Variants in GART observed in about 807,000 individuals in gnomAD.
The protein encoded by GART is trifunctional purine biosynthetic protein adenosine-3.
A neutral mutation model predicts 107.2 loss-of-function variants in GART; 43 were observed. The ratio of observed to expected loss-of-function variants is 0.40; its 90% CI spans 0.31 to 0.52. The LOEUF (loss-of-function observed/expected upper bound fraction) is 0.52. Ranked by LOEUF, GART falls within the 20% of genes least tolerant of loss-of-function variation. GART has a pLI of 0.52. For synonymous variants in GART, 434 were observed against 427.0 expected (o/e 1.02, Z -0.20); for missense variants, 1,107 against 1,206.5 (o/e 0.92, Z 1.22).
Position 33,504,237 on chromosome 21 carries a change from C to T in GART, c.2920G>A (p.Glu974Lys), listed in dbSNP as rs369961402. The T allele has an allele frequency of 2.0e-4, 328 of 1,614,198 alleles. 1 individual carries two copies. The highest frequency in any genetic ancestry group is 1.5e-3 in the South Asian group (136 of 91,086). Residue 974 changes from glutamate to lysine, a missense_variant, in exon 22 of 22, where the codon GAA (glutamate) becomes AAA (lysine). Transcript: ENST00000381815. ...KRGDTVATLS[E>K]RVKLAEHKIF... Reference sequence around the variant, plus strand: ...TTATGTTCTGCTAATTTTACTCTTTCAGAAAGAGTTGCGACAGTATCACCC... The same window carrying T: ...TTATGTTCTGCTAATTTTACTCTTTTAGAAAGAGTTGCGACAGTATCACCC...
chr21:33,533,472 AAAATAAAT>A (rs913601607), intron 4 of GART, among the ~76,000 whole-genome samples: 86 of 150,584 alleles, frequency 5.7e-4, no homozygotes, highest in Middle Eastern at 3.4e-3. Flanking sequence ...AATAAAAATA[AAAATAAAT>A]AAATAAATAA....
At chr21:33,539,631 C>G (rs1401469556) in intron 1 of GART, among the ~76,000 whole-genome samples, 1 of 150,896 alleles carries the variant, frequency 6.6e-6, no homozygotes, top group South Asian at 2.1e-4. Context: ...AGGAGGAGAT[C>G]GCAGTGAGCC....
chr21:33,520,637 T>C lies in GART; in HGVS notation c.1504-75A>G, dbSNP rs543067712. On this transcript the variant is annotated intron_variant, in intron 13 of 21. Transcript: ENST00000381815. ...GTATCTTATCCATTTGATTAGCTGC[T>C]CTTAACACCTAAAAACAAAAGAACA... The C allele has an allele frequency of 4.6e-6, 6 of 1,294,234 alleles. No individual in the cohort carries two copies. In the African/African-American group the frequency reaches 7.4e-5, roughly 16 times the overall value. The allele number at this position is 1,294,234 out of a possible 1,614,324, so 80.2% of individuals were successfully genotyped here. A position where few individuals can be genotyped will look rare whatever the true frequency, so the allele number is the denominator to read the frequency against.
At chr21:33,531,980 G>C in intron 5 of GART, 1 of 253,334 alleles carries the variant, frequency 3.9e-6, no homozygotes, top group South Asian at 7.0e-5. Context: ...GATCACGAAA[G>C]ACAAGGCATA....
chr21:33,524,320 C>G, intron 11 of GART: 6 of 938,506 alleles, frequency 6.4e-6, no homozygotes, highest in Non-Finnish European at 7.6e-6. Context: ...GAGGCCAAAG[C>G]AGGAGGATCA....
chr21:33,511,499 C>G, intron 16 of GART, 41 bp from the exon 17 acceptor site: 2 of 1,580,062 alleles, frequency 1.3e-6, no homozygotes, highest in South Asian at 2.2e-5. Flanking sequence ...TTCCTACCTT[C>G]TCACACAAAG....
rs747470347 is a variant in GART at position 33,534,716 on chromosome 21, G to A, written c.279C>T (p.Cys93=). The A allele has an allele frequency of 3.1e-6, 5 of 1,608,954 alleles. No individual in the cohort carries two copies. The South Asian group carries it at 5.5e-5, about 18-fold the overall frequency. The change falls in exon 4 of 22, where the codon TGC becomes TGT. Residue 93 remains cysteine (C), a synonymous_variant. Transcript: ENST00000381815. Reference sequence around the variant, plus strand: ...GAGCCGCTTCTGCTGTTGGGCCAAAGCATTGCACTCCTGCAGACCTCAGGT... The same window carrying A: ...GAGCCGCTTCTGCTGTTGGGCCAAAACATTGCACTCCTGCAGACCTCAGGT... The part of the protein sequence containing the change: ...VGNLRSAGVQ[C]FGPTAEAAQL...
In GART at chr21:33,532,414, T is replaced by C; in HGVS notation, c.459A>G (p.Ala153=). The part of the protein sequence containing the change: ...PALVVKASGL[A]AGKGVIVAKS... ...TTGCAACAATCACCCCTTTTCCAGC[T>C]GCAAGACCACTGGCCTTCACAACCA... The change falls in exon 5 of 22, where the codon GCA becomes GCG. Residue 153 remains alanine (A), a synonymous_variant. Coordinates refer to ENST00000381815, the MANE Select transcript of GART (RefSeq NM_000819.5). 6.2e-7 allele frequency: 1 copy of C among 1,614,058 alleles called. No individual in the cohort carries two copies. The highest frequency in any genetic ancestry group is 8.5e-7 in the Non-Finnish European group (1 of 1,180,012).
chr21:33,516,023 G>A (rs948484423), intron 16 of GART, among the ~76,000 whole-genome samples: 14 of 151,728 alleles, frequency 9.2e-5, no homozygotes, highest in African/African-American at 1.2e-4. Flanking sequence ...TGAGGCGGGC[G>A]GATCACTTGA....
chr21:33,511,193 G>T, intron 17 of GART, 59 bp downstream of exon 17: 1 of 1,562,186 alleles, frequency 6.4e-7, no homozygotes, highest in Non-Finnish European at 8.8e-7. Context: ...CAAGGCTGAG[G>T]TATAGCTAAA....
At position 33,506,252 on chromosome 21, in the gene GART, T is replaced by C. The variant is rs2084680032; in HGVS notation, c.2453-148A>G. On this transcript the variant is annotated intron_variant, in intron 18 of 21. Transcript: ENST00000381815. ...TCCACCTCCCGGGTTCAAGCAATTA[T>C]CCTGCCTCAGCCTCCTGAGTAGCTG... 3.3e-5 allele frequency: 26 copies of C among 778,656 alleles called. 1 individual carries two copies. In the South Asian group the frequency reaches 4.9e-4, roughly 15 times the overall value. The allele number at this position is 778,656 out of a possible 1,614,324, so 48.2% of individuals were successfully genotyped here. A position where few individuals can be genotyped will look rare whatever the true frequency, so the allele number is the denominator to read the frequency against.
chr21:33,508,577 G>GT (rs2084727177), intron 18 of GART, among the ~76,000 whole-genome samples: 1 of 147,624 alleles, frequency 6.8e-6, no homozygotes, highest in Non-Finnish European at 1.5e-5. Flanking sequence ...GAGTACAGTG[G>GT]TGCAATCTCA....
chr21:33,504,662 C>T (rs2084648907), intron 20 of GART, 135 bp from the exon 21 acceptor site: 1 of 660,414 alleles, frequency 1.5e-6, no homozygotes, highest in Non-Finnish European at 2.6e-6. Context: ...TTGCCAAACA[C>T]AGAAATGAGG....
chr21:33,528,757 A>T (rs1415042003), intron 8 of GART, 93 bp downstream of exon 8: 15 of 117,454 alleles, frequency 1.3e-4, no homozygotes, highest in Non-Finnish European at 1.9e-4. Flanking sequence ...AAAAAGTGGT[A>T]AAAAAAAAAA....
chr21:33,514,470 A>G (rs2084842521), intron 16 of GART, among the ~76,000 whole-genome samples: 1 of 152,148 alleles, frequency 6.6e-6, no homozygotes, highest in Admixed American at 6.6e-5. Context: ...GGTGACTACT[A>G]TGTTGTTTTT....
chr21:33,524,314 C>G (rs2085027563), intron 11 of GART: 3 of 956,146 alleles, frequency 3.1e-6, no homozygotes, highest in Non-Finnish European at 3.7e-6. Flanking sequence ...TTTTGGGAGG[C>G]CAAAGCAGGA....
At chr21:33,504,918 T>A (rs146196177) in intron 20 of GART, among the ~76,000 whole-genome samples, 1 of 152,372 alleles carries the variant, frequency 6.6e-6, no homozygotes, top group East Asian at 1.9e-4. Flanking sequence ...AGATTAGTTC[T>A]GTGTGGCTCA....
At chr21:33,516,479 C>T (rs1381743452) in intron 16 of GART, among the ~76,000 whole-genome samples, 1 of 152,168 alleles carries the variant, frequency 6.6e-6, no homozygotes, top group Non-Finnish European at 1.5e-5. Context: ...TTGGAATAAA[C>T]ACACTGAAGA....
intron 17 of GART, among the ~76,000 whole-genome samples, chr21:33,510,775 A>G (rs1418848031): frequency 2.6e-5 from 4 of 151,218 alleles, no homozygotes; most frequent in African/African-American, 9.7e-5. Flanking sequence ...TTTTTTTTCT[A>G]TTTTTTATTT....
Sources: allele counts gnomAD v4.1 joint callset (sites outside exome capture counted in the v4.1 genomes callset), GRCh38; gene constraint gnomAD v4.1.1; transcripts MANE v1.5; gene names NCBI Gene and HGNC (gene_info 2026-07-23, HGNC 2026-07-21).